ABCA7: variants seen among roughly 807,000 people sequenced by gnomAD.
The protein encoded by ABCA7 is phospholipid-transporting ATPase ABCA7.
Under a neutral mutation model 227.6 loss-of-function variants are expected in ABCA7, and 261 were observed. That is an observed-to-expected ratio of 1.15 (90% CI 1.04 to 1.27). The LOEUF (loss-of-function observed/expected upper bound fraction) is 1.27, where lower values mean the gene tolerates loss of function less well. Ranked by LOEUF, ABCA7 falls within the 50% of genes most tolerant of loss-of-function variation. The pLI is 0.00. For missense variants in ABCA7, 3,331 were observed against 2,924.5 expected, an observed-to-expected ratio of 1.14 and a Z score of -3.21; for synonymous variants, 1,488 against 1,279.7, an observed-to-expected ratio of 1.16 and a Z score of -3.47.
At position 1,065,560 on chromosome 19, in the gene ABCA7, C is replaced by T. The variant is rs1477489517; in HGVS notation, c.*135C>T. ...AATAAAGAGAAGGCTGGAGAGAAGC[C>T]GTGGTGGTGAAACCGTGTGCATGTG... is the stretch of plus-strand genomic sequence containing the variant. On this transcript the variant is annotated 3_prime_UTR_variant, in exon 47 of 47. Coordinates refer to ENST00000263094, the MANE Select transcript of ABCA7 (RefSeq NM_019112.4). The T allele has an allele frequency of 7.1e-6, 8 of 1,123,004 alleles. No individual in the cohort carries two copies. Among genetic ancestry groups the T allele is most frequent in the African/African-American group, 3.1e-5 (2 of 63,726 alleles). The allele number at this position is 1,123,004 out of a possible 1,614,324, so 69.6% of individuals were successfully genotyped here.
intron 16 of ABCA7, among the ~76,000 whole-genome samples, chr19:1,048,523 A>T (rs1486436172): frequency 6.9e-6 from 1 of 144,650 alleles, no homozygotes; most frequent in Non-Finnish European, 1.5e-5. Context: ...AAAAAAAAAA[A>T]ACAAGGCCGG....
chr19:1,051,028 C>T lies in ABCA7; in HGVS notation c.2660C>T (p.Pro887Leu), dbSNP rs150516280. 19 of 1,612,042 alleles carry T rather than the reference C, an allele frequency of 1.2e-5. No individual in the cohort carries two copies. In the African/African-American group the frequency reaches 2.0e-4, roughly 17 times the overall value. The change falls in exon 19 of 47, where the codon CCT (proline) becomes CTT (leucine). Residue 887 changes from proline to leucine, a missense_variant. Pro to Leu is a moderately conservative substitution (Grantham distance 98, BLOSUM62 -3). Transcript: ENST00000263094. ...ATCCGGCCCCACCTGGGCGTCTGTC[C>T]TCAGTACAACGTGCTGTTTGACATG... ...AAIRPHLGVCPQYNVLFDMLT... is the reference protein window; with the variant it reads ...AAIRPHLGVCLQYNVLFDMLT...
chr19:1,041,640 A>G (rs2040048130), intron 3 of ABCA7, 37 bp downstream of exon 3: 2 of 1,599,816 alleles, frequency 1.3e-6, no homozygotes, highest in Non-Finnish European at 1.7e-6. Flanking sequence ...TTGTGTGTGT[A>G]GGGGAAGGCA....
chr19:1,059,135 A>AGGG, intron 40 of ABCA7, 50 bp downstream of exon 40: 1 of 1,583,212 alleles, frequency 6.3e-7, no homozygotes, highest in Non-Finnish European at 8.6e-7. Context: ...TGGCTGCCCT[A>AGGG]CTGCATGCCC....
chr19:1,058,969 G>T (rs202188982), intron 39 of ABCA7, 29 bp downstream of exon 39: 28 of 1,610,462 alleles, frequency 1.7e-5, no homozygotes, highest in East Asian at 2.2e-5. Flanking sequence ...ACTGCTGGGT[G>T]GGGGGTGCTC....
chr19:1,047,312 C>T lies in ABCA7; in HGVS notation c.2001C>T (p.Leu667=). 2 of 1,603,304 alleles carry T rather than the reference C, an allele frequency of 1.2e-6. No homozygotes were observed. Among genetic ancestry groups the T allele is most frequent in the Non-Finnish European group, 1.7e-6 (2 of 1,178,710 alleles). ...AACGGLAYFS[L]YLPYVLCVAW... ...GCGGCGGCCTGGCCTACTTCTCCCTCTACCTGCCCTACGTGCTGTGTGTGG... is the reference window on the plus strand; with the variant it reads ...GCGGCGGCCTGGCCTACTTCTCCCTTTACCTGCCCTACGTGCTGTGTGTGG... The change falls in exon 15 of 47, where the codon CTC becomes CTT. Residue 667 remains leucine, a synonymous_variant. Transcript: ENST00000263094.
At chr19:1,051,837 G>A in intron 21 of ABCA7, 105 bp from the exon 22 acceptor site, 2 of 1,444,644 alleles carry the variant, frequency 1.4e-6, no homozygotes, top group East Asian at 4.6e-5. Flanking sequence ...TTTGAGGGAT[G>A]AATAGGAGTT....
rs1440602240 is a variant in ABCA7, at chr19:1,048,959, G to GC, written c.2340dup (p.Lys781GlnfsTer114). 1.9e-6 allele frequency: 3 copies of GC among 1,608,772 alleles called. No individual in the cohort carries two copies. The highest frequency in any genetic ancestry group is 1.1e-5 in the South Asian group (1 of 90,144). ...GGAGGAGCTACTGGTGCGGACCTCG[G>GC]CCCCCCAAGAGTCCAGCCCCTTGCC... On this transcript the variant is annotated frameshift_variant, in exon 17 of 47. Transcript: ENST00000263094. LOFTEE classifies it high-confidence loss of function.
Position 1,043,200 on chromosome 19 carries a change from A to G in ABCA7, c.739A>G (p.Met247Val), listed in dbSNP as rs1174118911. 1 of 1,609,114 alleles carries G rather than the reference A, an allele frequency of 6.2e-7. No homozygotes were observed. Among genetic ancestry groups the G allele is most frequent in the Non-Finnish European group, 8.5e-7 (1 of 1,176,884 alleles). Reference sequence around the variant, plus strand: ...CAACTGGTACGAGGCTAGTGACCTGATGGAGCTGGTGGGGCAGGAGCCAGA... The same window carrying G: ...CAACTGGTACGAGGCTAGTGACCTGGTGGAGCTGGTGGGGCAGGAGCCAGA... ...SLNWYEASDL[M>V]ELVGQEPESA... Residue 247 changes from methionine (M) to valine (V), a missense_variant, in exon 8 of 47, where the codon ATG becomes GTG. Physicochemically the swap from Met to Val is conservative, Grantham distance 21 (BLOSUM62 1). Coordinates refer to ENST00000263094, the MANE Select transcript of ABCA7 (RefSeq NM_019112.4).
Position 1,056,454 on chromosome 19 carries a change from A to T in ABCA7, c.4541A>T (p.Asn1514Ile). ...ARHAHSITTL[N>I]HPLNLTKEQL... is the part of the protein sequence containing the mutation. ...CACGCCCACAGCATCACCACACTCA[A>T]CCACCCCTTGAACCTCACCAAGGAG... is the stretch of plus-strand genomic sequence containing the variant. Residue 1514 changes from asparagine to isoleucine, a missense_variant, in exon 33 of 47, where the codon AAC becomes ATC. Asn to Ile is a moderately radical substitution (Grantham distance 149). Coordinates refer to ENST00000263094, the MANE Select transcript of ABCA7 (RefSeq NM_019112.4). This position sits in a 1 kb window ranked among gnomAD's most constrained non-coding sequence, Gnocchi z 4.3. The T allele has an allele frequency of 2.5e-6, 4 of 1,613,270 alleles. No homozygotes were observed. The highest frequency in any genetic ancestry group is 3.4e-6 in the Non-Finnish European group (4 of 1,179,950).
intron 40 of ABCA7, among the ~76,000 whole-genome samples, chr19:1,059,755 G>A (rs1270666956): frequency 2.0e-5 from 3 of 150,932 alleles, no homozygotes; most frequent in Middle Eastern, 3.4e-3. Flanking sequence ...GTAGAGACAG[G>A]GCTTCACCAT....
chr19:1,052,360 GGGAGGGGGAAGAGGAGGA>G (rs2144830487), intron 23 of ABCA7, 74 bp downstream of exon 23: 6 of 1,334,418 alleles, frequency 4.5e-6, no homozygotes, highest in Non-Finnish European at 6.1e-6. Flanking sequence ...GAGGAGGAGG[GGGAGGGGGAAGAGGAGGA>G]GGAGGGGGAG....
rs1463144759 is a variant in ABCA7 at position 1,044,674 on chromosome 19, G to T, written c.1145G>T (p.Gly382Val). The T allele has an allele frequency of 1.2e-6, 2 of 1,613,056 alleles. No individual in the cohort carries two copies. Among genetic ancestry groups the T allele is most frequent in the Non-Finnish European group, 8.5e-7 (1 of 1,179,984 alleles). Residue 382 changes from glycine to valine, a missense_variant, in exon 11 of 47, where the codon GGT becomes GTT. Transcript: ENST00000263094. ...ALRSFLDPGSGGYSWQDAHAD... is the reference protein window; with the variant it reads ...ALRSFLDPGSVGYSWQDAHAD... ...CGATCCTTTCTGGACCCTGGGAGCG[G>T]TGGCTACAGCTGGCAGGACGCACAC...
Position 1,056,052 on chromosome 19 carries a change from G to A in ABCA7, c.4239-14G>A. On this transcript the variant is annotated splice_polypyrimidine_tract_variant and intron_variant, in intron 31 of 46. Coordinates refer to ENST00000263094, the MANE Select transcript of ABCA7 (RefSeq NM_019112.4). The surrounding 1 kb of genome is among the most constrained non-coding windows in gnomAD (Gnocchi z 4.3). Reference sequence around the variant, plus strand: ...GGCCCTCAGCTCCCCTTCCCTGCCTGCATGGCCCCACAGATACGGAGGCTT... The same window carrying A: ...GGCCCTCAGCTCCCCTTCCCTGCCTACATGGCCCCACAGATACGGAGGCTT... The A allele has an allele frequency of 1.3e-6, 2 of 1,570,192 alleles. No homozygotes were observed. Among genetic ancestry groups the A allele is most frequent in the East Asian group, 2.3e-5 (1 of 44,222 alleles).
intron 16 of ABCA7, among the ~76,000 whole-genome samples, chr19:1,048,496 C>CAAAAAAAAAA (rs1234415864): frequency 2.3e-4 from 5 of 21,624 alleles, no homozygotes; most frequent in African/African-American, 9.3e-4. Context: ...AACTCAGTCT[C>CAAAAAAAAAA]AAAAAAAAAA....
At position 1,056,826 on chromosome 19, in the gene ABCA7, C is replaced by CT. The variant is rs1205884534; in HGVS notation, c.4587-81_4587-80insT. The CT allele has an allele frequency of 4.7e-5, 68 of 1,457,220 alleles. No homozygotes were observed. The highest frequency in any genetic ancestry group is 6.3e-5 in the Non-Finnish European group (67 of 1,062,028). 90.3% of individuals were successfully genotyped at this position (1,457,220 alleles called of 1,614,324 possible). ...TGCTGACTGCCCCATAGACCTTTGT[C>CT]CCATCAATGGCGTGTTCAGCTCTGC... On this transcript the variant is annotated intron_variant, in intron 33 of 46. Transcript: ENST00000263094. The surrounding 1 kb of genome is among the most constrained non-coding windows in gnomAD (Gnocchi z 4.3).
At position 1,058,222 on chromosome 19, in the gene ABCA7, T is replaced by C. The variant is rs754829219; in HGVS notation, c.5102T>C (p.Ile1701Thr). 2 of 1,613,512 alleles carry C rather than the reference T, an allele frequency of 1.2e-6. No homozygotes were observed. Among genetic ancestry groups the C allele is most frequent in the African/African-American group, 1.3e-5 (1 of 74,758 alleles). ...FPHFCLGRGL[I>T]DMVRNQAMAD... is the part of the protein sequence containing the mutation. Reference sequence around the variant, plus strand: ...CACTTCTGCTTGGGCCGGGGGCTCATTGACATGGTGCGGAACCAGGCCATG... The same window carrying C: ...CACTTCTGCTTGGGCCGGGGGCTCACTGACATGGTGCGGAACCAGGCCATG... Residue 1701 changes from isoleucine (I) to threonine (T), a missense_variant, in exon 37 of 47, where the codon ATT (isoleucine) becomes ACT (threonine). Coordinates refer to ENST00000263094, the MANE Select transcript of ABCA7 (RefSeq NM_019112.4).
rs751412143 is a variant in ABCA7 at position 1,050,911 on chromosome 19, C to T, written c.2553-10C>T. The T allele has an allele frequency of 1.8e-5, 29 of 1,587,578 alleles. No individual in the cohort carries two copies. The highest frequency in any genetic ancestry group is 2.4e-5 in the Non-Finnish European group (28 of 1,164,116). On this transcript the variant is annotated splice_polypyrimidine_tract_variant and intron_variant, in intron 18 of 46. Coordinates refer to ENST00000263094, the MANE Select transcript of ABCA7 (RefSeq NM_019112.4). ...TGAAGGGGGCTACTCTGAGACCCCTCTATCCACAGGTCCATCTTGAGTGGC... is the reference window on the plus strand; with the variant it reads ...TGAAGGGGGCTACTCTGAGACCCCTTTATCCACAGGTCCATCTTGAGTGGC...
In ABCA7 at chr19:1,054,265, C is replaced by A. The variant is rs1362355827; in HGVS notation, c.3650C>A (p.Thr1217Asn). ...AVGRVQGWAL[T>N]RQQLQALLLK... ...GGCCGGGTACAGGGCTGGGCACTGA[C>A]CCGCCAGCAGCTCCAGGCCCTGCTT... Residue 1217 changes from threonine to asparagine, a missense_variant, in exon 27 of 47, where the codon ACC becomes AAC. Thr to Asn is a moderately conservative substitution (Grantham distance 65). Coordinates refer to ENST00000263094, the MANE Select transcript of ABCA7 (RefSeq NM_019112.4). The surrounding 1 kb of genome is among the most constrained non-coding windows in gnomAD (Gnocchi z 4.8). The A allele has an allele frequency of 6.2e-7, 1 of 1,608,862 alleles. No homozygotes were observed. The highest frequency in any genetic ancestry group is 8.5e-7 in the Non-Finnish European group (1 of 1,179,248).
Sources: gnomAD v4.1 joint callset for allele counts (sites outside exome capture counted in the v4.1 genomes callset) on GRCh38, gnomAD v4.1.1 for gene constraint, Gnocchi (gnomAD v3.1) non-coding constraint, MANE v1.5 for transcripts, NCBI Gene and HGNC (gene_info 2026-07-23, HGNC 2026-07-21) for gene names.